The following PDE1C variants were observed in gnomAD, a reference collection of about 807,000 sequenced individuals.
PDE1C encodes the protein dual specificity calcium/calmodulin-dependent 3',5'-cyclic nucleotide phosphodiesterase 1C.
PDE1C carries 62 observed loss-of-function variants against 93.1 expected under a neutral mutation model. The observed-to-expected ratio is 0.67, with a 90% confidence interval of 0.54 to 0.82. The LOEUF (loss-of-function observed/expected upper bound fraction) is 0.82. Among genes scored for constraint, PDE1C ranks in the 40% least tolerant of loss-of-function variants. The pLI, the probability that PDE1C is intolerant of heterozygous loss-of-function variation, is 0.00. For synonymous variants in PDE1C, 325 were observed against 310.1 expected (o/e 1.05, Z -0.50); for missense variants, 742 against 884.6 (o/e 0.84, Z 2.04).
intron 1 of PDE1C, among the ~76,000 whole-genome samples, chr7:32,424,168 A>T (rs776034487): frequency 6.6e-6 from 1 of 152,276 alleles, no homozygotes; most frequent in Non-Finnish European, 1.5e-5. Context: ...TGCACCTGAC[A>T]TATGCCAGGT....
the PDE1C span, chr7:31,656,022 G>A: frequency 2.0e-6 from 2 of 984,806 alleles, no homozygotes; most frequent in Non-Finnish European, 1.2e-6. Flanking sequence ...TGAAACAAAT[G>A]AAGTATCTCA....
intron 7 of PDE1C, among the ~76,000 whole-genome samples, chr7:31,855,664 AT>A (rs1793912738): frequency 6.6e-6 from 1 of 151,138 alleles, no homozygotes; most frequent in African/African-American, 2.4e-5. Context: ...ATAATATGAC[AT>A]TATGGTAATG....
chr7:31,987,252 C>T (rs570376292), intron 2 of PDE1C, among the ~76,000 whole-genome samples: 21 of 152,208 alleles, frequency 1.4e-4, no homozygotes, highest in African/African-American at 4.3e-4. Context: ...AACCAGCTCT[C>T]GACAAACAAA....
chr7:31,875,705 C>T (rs1163576668), intron 5 of PDE1C, among the ~76,000 whole-genome samples: 1 of 147,926 alleles, frequency 6.8e-6, no homozygotes, highest in Non-Finnish European at 1.5e-5. Flanking sequence ...AAAACAGATG[C>T]CCTTCTAAAG....
chr7:31,675,848 T>C, the PDE1C span, among the ~76,000 whole-genome samples: 2 of 152,138 alleles, frequency 1.3e-5, no homozygotes, highest in Admixed American at 1.3e-4. Flanking sequence ...AGAAAGGAAA[T>C]AGGCAAAAGG....
At chr7:31,766,396 A>G (rs1795151615) in intron 17 of PDE1C, among the ~76,000 whole-genome samples, 1 of 152,024 alleles carries the variant, frequency 6.6e-6, no homozygotes, top group South Asian at 2.1e-4. Flanking sequence ...AAAAAAAAAA[A>G]TCTTTAATAT....
At chr7:31,791,556 G>A (rs901256520) in intron 16 of PDE1C, among the ~76,000 whole-genome samples, 1 of 152,080 alleles carries the variant, frequency 6.6e-6, no homozygotes, top group Admixed American at 6.6e-5. Context: ...CATACGTCAT[G>A]AGGCTTCTTT....
rs554992750 is a variant in PDE1C, at chr7:32,309,751, A to G, written c.311-100212T>C. Among the ~76,000 whole-genome samples the G allele has an allele frequency of 1.3e-3, 202 of 152,346 alleles. 1 individual carries two copies. The highest frequency in any genetic ancestry group is 4.8e-3 in the African/African-American group (198 of 41,570). ...CCCTAAAAGAGCTCCTGAAGGAAGCACTAAACATGGAAAGGAAAAACTGGT... is the reference window on the plus strand; with the variant it reads ...CCCTAAAAGAGCTCCTGAAGGAAGCGCTAAACATGGAAAGGAAAAACTGGT... On this transcript the variant is annotated intron_variant, in intron 1 of 1. Coordinates refer to the PDE1C transcript ENST00000672256.
At chr7:31,941,958 TA>T (rs1467985199) in intron 2 of PDE1C, among the ~76,000 whole-genome samples, 1 of 152,314 alleles carries the variant, frequency 6.6e-6, no homozygotes, top group African/African-American at 2.4e-5. Flanking sequence ...ACTGTAGGGA[TA>T]TTTTTAAGCA....
At chr7:32,277,249 A>AAAAAAC (rs1248338683) in intron 1 of PDE1C, among the ~76,000 whole-genome samples, 1 of 152,194 alleles carries the variant, frequency 6.6e-6, no homozygotes, top group Non-Finnish European at 1.5e-5. Flanking sequence ...ACCCTGCCTC[A>AAAAAAC]AAAAACAAAA....
At chr7:31,894,596 C>G (rs769236290) in intron 2 of PDE1C, among the ~76,000 whole-genome samples, 2 of 152,206 alleles carry the variant, frequency 1.3e-5, no homozygotes, top group Non-Finnish European at 2.9e-5. Context: ...TTCTTTCTCT[C>G]TCAGCCCCCA....
At chr7:31,766,309 G>A (rs1465293814) in intron 17 of PDE1C, among the ~76,000 whole-genome samples, 5 of 151,948 alleles carry the variant, frequency 3.3e-5, no homozygotes, top group Admixed American at 6.6e-5. Flanking sequence ...GCGTGAACCT[G>A]GGAGGCGGAG....
At chr7:32,298,587 C>A in intron 1 of PDE1C, 1 of 1,535,648 alleles carries the variant, frequency 6.5e-7, no homozygotes. Context: ...GAAAGGAACT[C>A]TGACCGCCAC....
At chr7:32,022,426 G>A (rs1378551592) in intron 2 of PDE1C, among the ~76,000 whole-genome samples, 1 of 152,008 alleles carries the variant, frequency 6.6e-6, no homozygotes, top group East Asian at 1.9e-4. Flanking sequence ...GACTTGAGGT[G>A]GGATTTGAAG....
chr7:32,400,846 C>T (rs112184262), intron 1 of PDE1C, among the ~76,000 whole-genome samples: 91 of 152,330 alleles, frequency 6.0e-4, no homozygotes, highest in Middle Eastern at 3.4e-3. Flanking sequence ...TCCTTATCCC[C>T]GACATAGTTC....
At chr7:31,760,819 G>A (rs1411686036) in intron 17 of PDE1C, among the ~76,000 whole-genome samples, 1 of 148,828 alleles carries the variant, frequency 6.7e-6, no homozygotes, top group Non-Finnish European at 1.5e-5. Flanking sequence ...CTAAACTAAC[G>A]AAATTAAAAT....
intron 2 of PDE1C, among the ~76,000 whole-genome samples, chr7:32,177,010 T>C (rs1020014606): frequency 1.3e-5 from 2 of 152,144 alleles, no homozygotes; most frequent in Non-Finnish European, 2.9e-5. Flanking sequence ...GATAGACTAT[T>C]TTTCAAAAAG....
chr7:31,916,253 T>C (rs1296239857), intron 2 of PDE1C, among the ~76,000 whole-genome samples: 3 of 152,202 alleles, frequency 2.0e-5, no homozygotes, highest in Non-Finnish European at 4.4e-5. Context: ...TGCATGAAGA[T>C]AAAAACTGTC....
chr7:32,243,085 A>G (rs1023275296), intron 1 of PDE1C, among the ~76,000 whole-genome samples: 4 of 152,190 alleles, frequency 2.6e-5, no homozygotes, highest in African/African-American at 9.7e-5. Context: ...ACACCCAGGG[A>G]CAGACAGTCT....
Sources: allele counts gnomAD v4.1 joint callset (sites outside exome capture counted in the v4.1 genomes callset), GRCh38; gene constraint gnomAD v4.1.1; transcripts MANE v1.5; gene names NCBI Gene and HGNC (gene_info 2026-07-23, HGNC 2026-07-21).